The following NCKAP5 variants were observed in gnomAD, a reference collection of about 807,000 sequenced individuals.
NCKAP5 encodes NCK associated protein 5.
Under a neutral mutation model 167.0 loss-of-function variants are expected in NCKAP5, and 92 were observed. That is an observed-to-expected ratio of 0.55 (90% CI 0.47 to 0.66). NCKAP5 has a LOEUF of 0.66. Ranked by LOEUF, NCKAP5 falls within the 30% of genes least tolerant of loss-of-function variation. NCKAP5 has a pLI of 0.00. For synonymous variants in NCKAP5, 891 were observed against 877.4 expected, an observed-to-expected ratio of 1.02 and a Z score of -0.27; for missense variants, 2,378 against 2,315.0, an observed-to-expected ratio of 1.03 and a Z score of -0.56.
chr2:133,321,970 C>T (rs1271217134), intron 3 of NCKAP5, among the ~76,000 whole-genome samples: 1 of 152,164 alleles, frequency 6.6e-6, no homozygotes, highest in Admixed American at 6.5e-5. Flanking sequence ...TTAGGTAAAA[C>T]TTAATAGTCA....
At chr2:133,374,058 C>T (rs1685978222) in intron 3 of NCKAP5, among the ~76,000 whole-genome samples, 1 of 152,232 alleles carries the variant, frequency 6.6e-6, no homozygotes, top group Non-Finnish European at 1.5e-5. Flanking sequence ...AACCTCCACA[C>T]AGATGTTTAC....
intron 7 of NCKAP5, among the ~76,000 whole-genome samples, chr2:132,966,036 T>C (rs911981162): frequency 6.6e-6 from 1 of 151,982 alleles, no homozygotes; most frequent in Non-Finnish European, 1.5e-5. Flanking sequence ...CAAAAGACTT[T>C]GGAATGTGAC....
intron 6 of NCKAP5, among the ~76,000 whole-genome samples, chr2:133,046,232 C>T (rs1188724242): frequency 6.6e-6 from 1 of 152,120 alleles, no homozygotes; most frequent in African/African-American, 2.4e-5. Context: ...ACAACATGCA[C>T]AGAAATATTT....
the NCKAP5 span, among the ~76,000 whole-genome samples, chr2:133,600,419 G>T: frequency 6.6e-6 from 1 of 152,158 alleles, no homozygotes; most frequent in Non-Finnish European, 1.5e-5. Context: ...CAGTCCTGGC[G>T]CACACTGCAG....
chr2:132,814,232 T>A (rs111951808), intron 11 of NCKAP5, among the ~76,000 whole-genome samples: 8 of 152,324 alleles, frequency 5.3e-5, no homozygotes, highest in African/African-American at 1.9e-4. Context: ...GCATCACGGT[T>A]TCCCTGTAGC....
At chr2:133,199,696 A>C (rs2085589621) in intron 5 of NCKAP5, among the ~76,000 whole-genome samples, 1 of 152,148 alleles carries the variant, frequency 6.6e-6, no homozygotes. Context: ...CGATAATACC[A>C]GCAATTTCAC....
the NCKAP5 span, among the ~76,000 whole-genome samples, chr2:133,594,900 TCA>T: frequency 2.0e-5 from 3 of 152,112 alleles, no homozygotes; most frequent in Non-Finnish European, 2.9e-5. Flanking sequence ...ATTCATTCAT[TCA>T]TTCGACAAAC....
At chr2:132,795,454 T>C (rs1558790036) in intron 12 of NCKAP5, among the ~76,000 whole-genome samples, 1 of 152,350 alleles carries the variant, frequency 6.6e-6, no homozygotes, top group African/African-American at 2.4e-5. Flanking sequence ...CTACCCTGAA[T>C]GATTCATATA....
chr2:133,535,699 C>G (rs1300287357), intron 2 of NCKAP5, among the ~76,000 whole-genome samples: 1 of 152,086 alleles, frequency 6.6e-6, no homozygotes, highest in Admixed American at 6.5e-5. Context: ...AGTTTTAATT[C>G]TTTGACAAAT....
chr2:133,527,880 C>T (rs1685053560), intron 2 of NCKAP5, among the ~76,000 whole-genome samples: 1 of 152,112 alleles, frequency 6.6e-6, no homozygotes, highest in Admixed American at 6.5e-5. Context: ...GTTTGGGCAA[C>T]ATAGTGAGAC....
the NCKAP5 span, among the ~76,000 whole-genome samples, chr2:133,669,486 T>C: frequency 2.0e-5 from 3 of 152,184 alleles, no homozygotes; most frequent in East Asian, 5.8e-4. Context: ...AGGTAAAATT[T>C]CTTGGGTGCT....
chr2:133,208,239 T>G (rs545952359), intron 5 of NCKAP5, among the ~76,000 whole-genome samples: 2 of 152,194 alleles, frequency 1.3e-5, no homozygotes, highest in South Asian at 4.2e-4. Context: ...CTCAGGAAGC[T>G]GAGGTGGTAG....
intron 8 of NCKAP5, among the ~76,000 whole-genome samples, chr2:132,890,694 C>A (rs564716146): frequency 1.3e-5 from 2 of 152,290 alleles, no homozygotes; most frequent in South Asian, 4.1e-4. Context: ...ATAATTCAAA[C>A]TTACGGGGTT....
the NCKAP5 span, among the ~76,000 whole-genome samples, chr2:133,606,742 AG>A: frequency 7.5e-6 from 1 of 134,190 alleles, no homozygotes; most frequent in East Asian, 2.1e-4. Flanking sequence ...AAAGGAGTTC[AG>A]GGAAAAAAAA....
chr2:133,243,754 A>T (rs1574481552), intron 4 of NCKAP5, among the ~76,000 whole-genome samples: 1 of 152,206 alleles, frequency 6.6e-6, no homozygotes, highest in Non-Finnish European at 1.5e-5. Context: ...CCCAAACCAC[A>T]AGTAAACATT....
Position 132,850,588 on chromosome 2 carries a change from T to C in NCKAP5, c.807+9904A>G, listed in dbSNP as rs530891658. ...GGTATAGAACAATCTCAAAGCTTTA[T>C]CAATGTAACTACAAGGTATCTGTTT... On this transcript the variant is annotated intron_variant, in intron 11 of 19. Coordinates refer to ENST00000409261, the MANE Select transcript of NCKAP5 (RefSeq NM_207363.3). Among the ~76,000 whole-genome samples the C allele has an allele frequency of 5.3e-5, 8 of 152,094 alleles. No individual in the cohort carries two copies. The South Asian group carries it at 1.7e-3, about 32-fold the overall frequency.
At chr2:133,225,207 T>C (rs1048068240) in intron 4 of NCKAP5, among the ~76,000 whole-genome samples, 1 of 150,904 alleles carries the variant, frequency 6.6e-6, no homozygotes, top group African/African-American at 2.4e-5. Flanking sequence ...ATGAACTATA[T>C]GTAGCTTAAT....
intron 16 of NCKAP5, among the ~76,000 whole-genome samples, chr2:132,758,625 A>G (rs944902602): frequency 6.6e-6 from 1 of 152,070 alleles, no homozygotes; most frequent in Non-Finnish European, 1.5e-5. Flanking sequence ...GATAACCTGA[A>G]ACTTTATAGT....
chr2:132,798,328 C>T (rs552588318), intron 11 of NCKAP5, among the ~76,000 whole-genome samples: 1 of 152,242 alleles, frequency 6.6e-6, no homozygotes, highest in South Asian at 2.1e-4. Flanking sequence ...TTGTTGTAGT[C>T]TTTAAACAAA....
Sources: allele counts gnomAD v4.1 joint callset (sites outside exome capture counted in the v4.1 genomes callset), GRCh38; gene constraint gnomAD v4.1.1; transcripts MANE v1.5; gene names NCBI Gene and HGNC (gene_info 2026-07-23, HGNC 2026-07-21).